ATP6V1C2: variants seen among roughly 807,000 people sequenced by gnomAD.
ATP6V1C2 encodes V-type proton ATPase subunit C 2.
In ATP6V1C2, 45 loss-of-function variants were observed where a neutral mutation model predicts 56.8. The ratio of observed to expected loss-of-function variants is 0.79; its 90% CI spans 0.62 to 1.02. The LOEUF (loss-of-function observed/expected upper bound fraction) is 1.02. Among genes scored for constraint, ATP6V1C2 ranks in the 50% least tolerant of loss-of-function variants. The pLI, the probability that ATP6V1C2 is intolerant of heterozygous loss-of-function variation, is 0.00. For missense variants in ATP6V1C2, 463 were observed against 519.7 expected (o/e 0.89, Z 1.06); for synonymous variants, 220 against 201.3 (o/e 1.09, Z -0.79).
intron 4 of ATP6V1C2, among the ~76,000 whole-genome samples, chr2:10,760,865 G>C (rs190746655): frequency 3.9e-5 from 6 of 152,346 alleles, no homozygotes; most frequent in African/African-American, 1.2e-4. Flanking sequence ...AGAGACAAGA[G>C]CTTGATCTGA....
intron 4 of ATP6V1C2, among the ~76,000 whole-genome samples, chr2:10,755,039 C>T (rs574559841): frequency 4.0e-5 from 6 of 151,494 alleles, no homozygotes; most frequent in South Asian, 4.2e-4. Context: ...TTTTTTGAGA[C>T]GGAGTTTTTC....
rs747810815 is a variant in ATP6V1C2, at chr2:10,783,147, AGAGCATT to A, written c.1195-26_1195-20del. ...AGACAGGAAACTAGTTTATGCACTTAGAGCATTACCATGTCTTCTTTTGTAGGCATCT... is the reference window on the plus strand; with the variant it reads ...AGACAGGAAACTAGTTTATGCACTTAACCATGTCTTCTTTTGTAGGCATCT... On this transcript the variant is annotated intron_variant, in intron 13 of 13. Transcript: ENST00000272238. 6.4e-7 allele frequency: 1 copy of A among 1,564,234 alleles called. No homozygotes were observed. The highest frequency in any genetic ancestry group is 1.7e-5 in the Admixed American group (1 of 59,846).
At chr2:10,732,776 T>A (rs966068280) in intron 3 of ATP6V1C2, among the ~76,000 whole-genome samples, 4 of 151,534 alleles carry the variant, frequency 2.6e-5, no homozygotes, top group Non-Finnish European at 5.9e-5. Context: ...ATCGAGACCA[T>A]CCTGGTCAAC....
chr2:10,735,679 C>T (rs1662209661), intron 3 of ATP6V1C2, among the ~76,000 whole-genome samples: 1 of 151,340 alleles, frequency 6.6e-6, no homozygotes, highest in African/African-American at 2.4e-5. Flanking sequence ...CAGCCTTGAA[C>T]TCCTGGGCTC....
At chr2:10,778,301 A>G (rs573388303) in intron 11 of ATP6V1C2, among the ~76,000 whole-genome samples, 1 of 152,308 alleles carries the variant, frequency 6.6e-6, no homozygotes, top group African/African-American at 2.4e-5. Flanking sequence ...GAAAGCCCCA[A>G]GGTCAGGGGC....
chr2:10,769,892 C>T (rs572995395), intron 6 of ATP6V1C2: 1 of 152,194 alleles, frequency 6.6e-6, no homozygotes, highest in African/African-American at 2.4e-5. Flanking sequence ...CAATATAATA[C>T]CTACACTTGG....
intron 3 of ATP6V1C2, among the ~76,000 whole-genome samples, chr2:10,734,040 C>G (rs1662116524): frequency 1.3e-5 from 2 of 152,190 alleles, no homozygotes; most frequent in Admixed American, 1.3e-4. Flanking sequence ...GGCTTTTCTT[C>G]TCTGTTGGTG....
chr2:10,778,234 T>C (rs1665123299), intron 11 of ATP6V1C2, among the ~76,000 whole-genome samples: 1 of 152,198 alleles, frequency 6.6e-6, no homozygotes, highest in Non-Finnish European at 1.5e-5. Flanking sequence ...GCAGAGCCTC[T>C]GAGAAGGTGG....
rs893313672 is a variant in ATP6V1C2 at position 10,784,592 on chromosome 2, C to G, written c.*1329C>G. 5.7e-6 allele frequency: 3 copies of G among 525,692 alleles called. No homozygotes were observed. In the African/African-American group the frequency reaches 5.7e-5, roughly 10 times the overall value. The allele number at this position is 525,692 out of a possible 1,614,324, so 32.6% of individuals were successfully genotyped here. ...GTGTCCTTTTGAGGAGGGTGGGACA[C>G]AACAGTACAGAAATAAGTGCTAATT... On this transcript the variant is annotated 3_prime_UTR_variant, in exon 14 of 14. Transcript: ENST00000272238.
chr2:10,734,730 C>G (rs774880034), intron 3 of ATP6V1C2, among the ~76,000 whole-genome samples: 6 of 152,170 alleles, frequency 3.9e-5, no homozygotes, highest in Non-Finnish European at 2.9e-5. Flanking sequence ...CCTGGGCTTT[C>G]CACGATGCTT....
At chr2:10,762,894 C>T (rs1444591682) in intron 4 of ATP6V1C2, among the ~76,000 whole-genome samples, 5 of 152,148 alleles carry the variant, frequency 3.3e-5, no homozygotes, top group East Asian at 1.9e-4. Flanking sequence ...CTCCCTCCCA[C>T]GTTCCTGCTG....
At chr2:10,737,845 C>G (rs972802925) in intron 3 of ATP6V1C2, among the ~76,000 whole-genome samples, 15 of 152,252 alleles carry the variant, frequency 9.9e-5, no homozygotes, top group Admixed American at 3.9e-4. Context: ...AGGCACCCAC[C>G]ACCAGGCCCA....
At chr2:10,755,288 G>A (rs759860297) in intron 4 of ATP6V1C2, among the ~76,000 whole-genome samples, 6 of 151,534 alleles carry the variant, frequency 4.0e-5, no homozygotes, top group Non-Finnish European at 8.8e-5. Flanking sequence ...CGCCCGCCCT[G>A]GTCTCCCAAA....
intron 4 of ATP6V1C2, among the ~76,000 whole-genome samples, chr2:10,762,153 T>TC (rs1354921086): frequency 6.6e-6 from 1 of 151,686 alleles, no homozygotes; most frequent in Non-Finnish European, 1.5e-5. Flanking sequence ...AAATTTTTTT[T>TC]TTTTTTTTTT....
At position 10,763,818 on chromosome 2, in the gene ATP6V1C2, G is replaced by A. The variant is rs1158579596; in HGVS notation, c.284-513G>A. Among the ~76,000 whole-genome samples the A allele has an allele frequency of 6.6e-6, 1 of 152,160 alleles. No homozygotes were observed. Among genetic ancestry groups the A allele is most frequent in the Non-Finnish European group, 1.5e-5 (1 of 68,032 alleles). ...CTCCTAGCCTAGAGCCCTGGGGGTTGAGTCAGCTGAGGTTTATTCAGTGTT... is the reference window on the plus strand; with the variant it reads ...CTCCTAGCCTAGAGCCCTGGGGGTTAAGTCAGCTGAGGTTTATTCAGTGTT... On this transcript the variant is annotated intron_variant, in intron 4 of 13. Transcript: ENST00000272238. The surrounding 1 kb of genome is among the most constrained non-coding windows in gnomAD (Gnocchi z 4.2).
At chr2:10,741,236 G>T (rs556778479) in intron 3 of ATP6V1C2, among the ~76,000 whole-genome samples, 1 of 152,362 alleles carries the variant, frequency 6.6e-6, no homozygotes, top group Admixed American at 6.5e-5. Context: ...AGAGTCCCCA[G>T]GGGGAGCCTC....
intron 3 of ATP6V1C2, among the ~76,000 whole-genome samples, chr2:10,738,953 A>G (rs1024366110): frequency 6.6e-6 from 1 of 152,162 alleles, no homozygotes; most frequent in East Asian, 1.9e-4. Flanking sequence ...AGCCACCTTC[A>G]TTGCGTTCCT....
chr2:10,761,049 C>T (rs1260096526), intron 4 of ATP6V1C2, among the ~76,000 whole-genome samples: 1 of 152,160 alleles, frequency 6.6e-6, no homozygotes, highest in East Asian at 1.9e-4. Flanking sequence ...CCTCGAGGAG[C>T]CTGAGACAGC....
rs897062894 is a variant in ATP6V1C2 at position 10,763,711 on chromosome 2, CTCT to C, written c.284-617_284-615del. ...CCTGGGGCGGCTGGCCCAGGTAGCT[CTCT>C]TCAAGAGTGTGGAGAACTAACCTGA... On this transcript the variant is annotated intron_variant, in intron 4 of 13. Transcript: ENST00000272238. The surrounding 1 kb of genome is among the most constrained non-coding windows in gnomAD (Gnocchi z 4.2). 3.9e-5 allele frequency among the ~76,000 whole-genome samples: 6 copies of C among 152,174 alleles called. No homozygotes were observed. The highest frequency in any genetic ancestry group is 1.4e-4 in the African/African-American group (6 of 41,440).
Sources: allele counts gnomAD v4.1 joint callset (sites outside exome capture counted in the v4.1 genomes callset), GRCh38; gene constraint gnomAD v4.1.1; non-coding constraint Gnocchi (gnomAD v3.1); transcripts MANE v1.5; gene names NCBI Gene and HGNC (gene_info 2026-07-23, HGNC 2026-07-21).